The following AUTS2 variants were observed in gnomAD, a reference collection of about 807,000 sequenced individuals.
The protein encoded by AUTS2 is activator of transcription and developmental regulator AUTS2.
Under a neutral mutation model 112.4 loss-of-function variants are expected in AUTS2, and 17 were observed. The observed-to-expected ratio is 0.15, with a 90% confidence interval of 0.10 to 0.23. The LOEUF is 0.23. Among genes scored for constraint, AUTS2 ranks in the 10% least tolerant of loss-of-function variants. The pLI is 1.00. For synonymous variants in AUTS2, 751 were observed against 702.7 expected (o/e 1.07, Z -1.09); for missense variants, 1,510 against 1,701.6 (o/e 0.89, Z 1.98).
intron 4 of AUTS2, 109 bp downstream of exon 4, chr7:70,134,680 C>A: frequency 2.0e-6 from 2 of 1,010,164 alleles, no homozygotes; most frequent in Non-Finnish European, 3.1e-6. Context: ...CTCTCTCAGT[C>A]CTAAAGAGCA....
At chr7:70,129,428 A>G (rs192995909) in intron 3 of AUTS2, among the ~76,000 whole-genome samples, 17 of 152,296 alleles carry the variant, frequency 1.1e-4, no homozygotes, top group Non-Finnish European at 1.5e-4. Context: ...CAACTCATCT[A>G]AAAACATCAT....
chr7:70,309,269 G>T (rs1789627134), intron 4 of AUTS2, among the ~76,000 whole-genome samples: 1 of 152,080 alleles, frequency 6.6e-6, no homozygotes, highest in Non-Finnish European at 1.5e-5. Flanking sequence ...AGACTTCTAG[G>T]CCAGAGTCTA....
intron 2 of AUTS2, among the ~76,000 whole-genome samples, chr7:70,102,919 A>G (rs1375661503): frequency 6.6e-6 from 1 of 152,200 alleles, no homozygotes; most frequent in Admixed American, 6.5e-5. Context: ...ATTTATTCTT[A>G]TATTAATGCA....
chr7:69,901,693 G>A (rs1794976699), intron 2 of AUTS2, among the ~76,000 whole-genome samples: 1 of 152,166 alleles, frequency 6.6e-6, no homozygotes, highest in Non-Finnish European at 1.5e-5. Flanking sequence ...AAAACAAGGA[G>A]TATTTTCTTA....
At chr7:70,538,094 AGGTGTGATGGC>A (rs1800394828) in intron 5 of AUTS2, among the ~76,000 whole-genome samples, 1 of 152,122 alleles carries the variant, frequency 6.6e-6, no homozygotes, top group South Asian at 2.1e-4. Context: ...AAAACTAGCC[AGGTGTGATGGC>A]GTGCACCTAT....
chr7:70,595,245 C>T lies in AUTS2; in HGVS notation c.691-103324C>T, dbSNP rs922401831. On this transcript the variant is annotated intron_variant, in intron 5 of 18. Transcript: ENST00000342771. ...TTCTAGGCAGCCCCTCCAGGAATTC[C>T]TCTTCCATGCACCTCCTTGGGCAGA... 5.9e-5 allele frequency among the ~76,000 whole-genome samples: 9 copies of T among 152,268 alleles called. No homozygotes were observed. The East Asian group carries it at 1.5e-3, about 26-fold the overall frequency.
At chr7:70,508,326 C>A (rs991387642) in intron 5 of AUTS2, among the ~76,000 whole-genome samples, 3 of 151,966 alleles carry the variant, frequency 2.0e-5, no homozygotes, top group African/African-American at 7.3e-5. Context: ...AGGGAGGGTG[C>A]AGAATAGTAG....
At chr7:70,570,334 G>T (rs1801887016) in intron 5 of AUTS2, among the ~76,000 whole-genome samples, 1 of 152,098 alleles carries the variant, frequency 6.6e-6, no homozygotes, top group African/African-American at 2.4e-5. Flanking sequence ...TTGTCTGTAG[G>T]TATTCTAAAG....
intron 6 of AUTS2, among the ~76,000 whole-genome samples, chr7:70,740,757 T>G (rs1234626793): frequency 6.6e-6 from 1 of 152,184 alleles, no homozygotes; most frequent in Non-Finnish European, 1.5e-5. Flanking sequence ...ATTAAGTACA[T>G]TGAAGAGGAC....
intron 1 of AUTS2, among the ~76,000 whole-genome samples, chr7:69,850,316 AAAAC>A (rs2129529727): frequency 6.7e-6 from 1 of 149,832 alleles, no homozygotes; most frequent in African/African-American, 2.5e-5. Context: ...AACAAAAACA[AAAAC>A]AAAAAAACCC....
intron 6 of AUTS2, among the ~76,000 whole-genome samples, chr7:70,761,881 G>A (rs1349141569): frequency 1.3e-5 from 2 of 152,202 alleles, no homozygotes; most frequent in Non-Finnish European, 2.9e-5. Context: ...ACCCCATGTG[G>A]TCCCAGGGGA....
intron 4 of AUTS2, among the ~76,000 whole-genome samples, chr7:70,331,058 C>A (rs1488694941): frequency 6.6e-6 from 1 of 152,042 alleles, no homozygotes. Flanking sequence ...TGATGCTGGC[C>A]TTATAAAATG....
chr7:70,136,598 A>G (rs1267271626), intron 4 of AUTS2, among the ~76,000 whole-genome samples: 2 of 152,132 alleles, frequency 1.3e-5, no homozygotes, highest in Admixed American at 1.3e-4. Context: ...GTGCTTTGTG[A>G]TTTGTGCTGT....
chr7:70,085,648 T>A (rs1803559719), intron 2 of AUTS2, among the ~76,000 whole-genome samples: 1 of 152,268 alleles, frequency 6.6e-6, no homozygotes, highest in South Asian at 2.1e-4. Context: ...ATTACAGGCA[T>A]GAGCCAACAT....
intron 1 of AUTS2, among the ~76,000 whole-genome samples, chr7:69,864,452 A>G (rs1793130133): frequency 6.6e-6 from 1 of 152,168 alleles, no homozygotes; most frequent in Admixed American, 6.5e-5. Flanking sequence ...AGAGATTAGA[A>G]TTAAATTTCA....
chr7:70,734,439 C>CAA (rs146109756), intron 6 of AUTS2, among the ~76,000 whole-genome samples: 141 of 144,546 alleles, frequency 9.8e-4, no homozygotes, highest in African/African-American at 3.2e-3. Context: ...GAGTCTATCT[C>CAA]AAAAAAAAAA....
chr7:69,792,860 G>C (rs1789677279), intron 1 of AUTS2, among the ~76,000 whole-genome samples: 1 of 152,058 alleles, frequency 6.6e-6, no homozygotes, highest in Admixed American at 6.5e-5. Flanking sequence ...TGTGGCCTAG[G>C]AATCTGCATT....
At chr7:70,126,189 C>G (rs988305756) in intron 3 of AUTS2, among the ~76,000 whole-genome samples, 3 of 152,172 alleles carry the variant, frequency 2.0e-5, no homozygotes, top group African/African-American at 7.2e-5. Context: ...GAGGCCGAGG[C>G]AGGCAGATCA....
chr7:70,351,661 A>ATAGT (rs1791771420), intron 4 of AUTS2, among the ~76,000 whole-genome samples: 2 of 151,960 alleles, frequency 1.3e-5, no homozygotes, highest in Non-Finnish European at 2.9e-5. Flanking sequence ...CTTTTTCTCC[A>ATAGT]CAACCTTACC....
Sources: gnomAD v4.1 joint callset for allele counts (sites outside exome capture counted in the v4.1 genomes callset) on GRCh38, gnomAD v4.1.1 for gene constraint, MANE v1.5 for transcripts, NCBI Gene and HGNC (gene_info 2026-07-23, HGNC 2026-07-21) for gene names.